Variants in SPANXN4 observed in about 807,000 individuals in gnomAD.
SPANXN4 encodes the protein sperm protein associated with the nucleus on the X chromosome N4.
Under a neutral mutation model 6.0 loss-of-function variants are expected in SPANXN4, and 5 were observed. That is an observed-to-expected ratio of 0.83 (90% CI 0.44 to 1.75). SPANXN4 has a LOEUF of 1.75. SPANXN4 is among the 40% of genes most tolerant of loss of function. SPANXN4 has a pLI of 0.02. For missense variants in SPANXN4, 157 were observed against 108.6 expected (o/e 1.45, Z -1.98); for synonymous variants, 45 against 38.0 (o/e 1.19, Z -0.68).
chrX:143,033,353 TG>T (rs1271017826), intron 1 of SPANXN4, among the ~76,000 whole-genome samples: 1 of 111,715 alleles, frequency 9.0e-6, no homozygotes, highest in Non-Finnish European at 1.9e-5. Context: ...AAGACTTACC[TG>T]GTAGAACTCA....
At chrX:143,038,471 C>T (rs1361696370), downstream of SPANXN4, among the ~76,000 whole-genome samples, 3 of 111,657 alleles carry the variant, frequency 2.7e-5, no homozygotes, top group African/African-American at 9.8e-5. Context: ...AGTTTTAATC[C>T]AACACCTCCT....
intron 1 of SPANXN4, among the ~76,000 whole-genome samples, chrX:143,026,998 G>T (rs749759921): frequency 3.7e-4 from 41 of 111,574 alleles, no homozygotes; most frequent in Non-Finnish European, 6.4e-4. Flanking sequence ...TGCTTGTGAG[G>T]CAAAATGTTA....
downstream of SPANXN4, among the ~76,000 whole-genome samples, chrX:143,037,115 T>C (rs1446790719): frequency 5.4e-5 from 6 of 111,441 alleles, no homozygotes; most frequent in African/African-American, 2.0e-4. Flanking sequence ...ACAATAACAT[T>C]GTGCTTATCA....
chrX:143,035,288 A>G (rs927847594), downstream of SPANXN4, among the ~76,000 whole-genome samples: 3 of 109,483 alleles, frequency 2.7e-5, no homozygotes, highest in East Asian at 8.6e-4. Context: ...AATCATTGTA[A>G]TGCATTTGAT....
At position 143,034,616 on chromosome X, in the gene SPANXN4, A is replaced by T. The variant is rs1312007500; in HGVS notation, c.391A>T (p.Lys131Ter). 2 of 1,165,945 alleles carry T rather than the reference A, an allele frequency of 1.7e-6. No individual in the cohort carries two copies. Among genetic ancestry groups the T allele is most frequent in the Non-Finnish European group, 2.3e-6 (2 of 872,592 alleles). Residue 131 changes from lysine (K) to a stop codon, truncating the protein, a stop_gained, in exon 3 of 3, where the codon AAG becomes TAG. Transcript: ENST00000370504. LOFTEE classifies it low-confidence loss of function (END_TRUNC). ...TGACAGTGACACTCTTTCCAAAATG[A>T]AGACATCAGAATCACCACCTTCAGG...
chrX:143,032,885 G>A (rs1932819152), intron 1 of SPANXN4, among the ~76,000 whole-genome samples: 1 of 111,247 alleles, frequency 9.0e-6, no homozygotes, highest in Non-Finnish European at 1.9e-5. Context: ...CAGGAGAATG[G>A]ACGTAGGAGA....
chrX:143,034,208 A>T, exon 2 of SPANXN4: 1 of 1,178,067 alleles, frequency 8.5e-7, no homozygotes, highest in Non-Finnish European at 1.1e-6. Flanking sequence ...AGACCTAGAC[A>T]TATCTGCAGG....
Position 143,034,181 on chromosome X carries a change from C to G in SPANXN4, c.232C>G (p.Pro78Ala), listed in dbSNP as rs770403324. 20 of 1,179,384 alleles carry G rather than the reference C, an allele frequency of 1.7e-5. No homozygotes were observed. The South Asian group carries it at 3.6e-4, about 21-fold the overall frequency. The stretch of plus-strand genomic sequence containing the variant: ...CCAGCCTACAGAGAGCTCCACTGAT[C>G]CAATCAAAGAGAAAGGAGACCTAGA... Residue 78 changes from proline (P) to alanine (A), a missense_variant, in exon 2 of 3, where the codon CCA becomes GCA. Transcript: ENST00000370504.
chrX:143,031,850 G>C (rs781212260), intron 1 of SPANXN4, among the ~76,000 whole-genome samples: 2 of 111,723 alleles, frequency 1.8e-5, no homozygotes, highest in South Asian at 3.8e-4. Context: ...AATGAAGGTG[G>C]ATTTTGCCCT....
intron 1 of SPANXN4, among the ~76,000 whole-genome samples, chrX:143,028,950 T>C (rs1395487455): frequency 8.9e-6 from 1 of 112,089 alleles, no homozygotes; most frequent in Non-Finnish European, 1.9e-5. Context: ...TGCGCACGTA[T>C]AAAAGTACAG....
chrX:143,034,073 G>A, exon 2 of SPANXN4: 2 of 1,179,947 alleles, frequency 1.7e-6, no homozygotes, highest in Non-Finnish European at 2.3e-6. Context: ...GAGTTTGAAA[G>A]AGACAGAAAA....
At chrX:143,031,823 C>T (rs1411013539) in intron 1 of SPANXN4, among the ~76,000 whole-genome samples, 1 of 111,470 alleles carries the variant, frequency 9.0e-6, no homozygotes, top group Non-Finnish European at 1.9e-5. Context: ...CGGGGGCTGA[C>T]TGGGAGATAA....
chrX:143,027,550 G>T (rs191465318), intron 1 of SPANXN4, among the ~76,000 whole-genome samples: 1 of 111,428 alleles, frequency 9.0e-6, no homozygotes, highest in East Asian at 2.9e-4. Flanking sequence ...AGTGTGGGTG[G>T]ATCTGATAGA....
intron 1 of SPANXN4, among the ~76,000 whole-genome samples, 200 bp downstream of exon 1, chrX:143,026,292 T>C (rs1361450234): frequency 1.8e-5 from 2 of 111,637 alleles, no homozygotes; most frequent in Admixed American, 1.9e-4. Flanking sequence ...GGCTGGCTGC[T>C]CGGCGGAATA....
At chrX:143,032,013 C>T (rs1370556979) in intron 1 of SPANXN4, among the ~76,000 whole-genome samples, 1 of 111,758 alleles carries the variant, frequency 8.9e-6, no homozygotes, top group Non-Finnish European at 1.9e-5. Flanking sequence ...CTGGGGACAG[C>T]TAGGGTCCCT....
downstream of SPANXN4, among the ~76,000 whole-genome samples, chrX:143,037,531 G>A (rs776506352): frequency 9.0e-6 from 1 of 111,664 alleles, no homozygotes; most frequent in African/African-American, 3.3e-5. Flanking sequence ...AATGGAGTCA[G>A]TACAAGGAAG....
downstream of SPANXN4, among the ~76,000 whole-genome samples, chrX:143,036,011 TC>T (rs1474930083): frequency 9.5e-6 from 1 of 105,007 alleles, no homozygotes; most frequent in Non-Finnish European, 1.9e-5. Flanking sequence ...GATCAGGTAA[TC>T]TTTTTCTTTC....
downstream of SPANXN4, chrX:143,034,836 C>A: frequency 1.2e-6 from 1 of 852,025 alleles, no homozygotes; most frequent in Non-Finnish European, 1.5e-6. Context: ...AGTCACCTAC[C>A]AAGTGTGGGG....
At chrX:143,036,107 G>A (rs1932842680), downstream of SPANXN4, among the ~76,000 whole-genome samples, 2 of 106,792 alleles carry the variant, frequency 1.9e-5, no homozygotes, top group South Asian at 4.2e-4. Flanking sequence ...TTCAAGTGGA[G>A]GAAGGATATT....
Sources: gnomAD v4.1 joint callset for allele counts (sites outside exome capture counted in the v4.1 genomes callset) on GRCh38, gnomAD v4.1.1 for gene constraint, MANE v1.5 for transcripts, NCBI Gene and HGNC (gene_info 2026-07-23, HGNC 2026-07-21) for gene names.